MGRN1: variants seen among roughly 807,000 people sequenced by gnomAD.
The protein encoded by MGRN1 is E3 ubiquitin-protein ligase MGRN1.
MGRN1 carries 29 observed loss-of-function variants against 69.2 expected under a neutral mutation model. The ratio of observed to expected loss-of-function variants is 0.42; its 90% CI spans 0.31 to 0.57. MGRN1 has a LOEUF of 0.57. Among genes scored for constraint, MGRN1 ranks in the 20% least tolerant of loss-of-function variants. The pLI is 0.15. For missense variants in MGRN1, 998 were observed against 796.2 expected (o/e 1.25, Z -3.05); for synonymous variants, 470 against 344.2 (o/e 1.37, Z -4.04).
chr16:4,642,521 T>C (rs1247964929), intron 1 of MGRN1, among the ~76,000 whole-genome samples: 5 of 150,054 alleles, frequency 3.3e-5, no homozygotes, highest in African/African-American at 1.3e-4. Flanking sequence ...AGATGGGGGT[T>C]TCACCTTGTT....
At chr16:4,645,588 T>C (rs560133254) in intron 1 of MGRN1, among the ~76,000 whole-genome samples, 8 of 151,884 alleles carry the variant, frequency 5.3e-5, no homozygotes, top group South Asian at 2.1e-4. Flanking sequence ...AGTGGAAAGA[T>C]TGGTTGGCAA....
intron 8 of MGRN1, among the ~76,000 whole-genome samples, chr16:4,670,909 G>A (rs1330055649): frequency 6.6e-6 from 1 of 152,232 alleles, no homozygotes; most frequent in African/African-American, 2.4e-5. Context: ...TCAGCGTGAG[G>A]CTTTTTGGTT....
At chr16:4,681,363 C>T (rs1352587955) in intron 12 of MGRN1, 187 bp from the exon 13 acceptor site, 2 of 596,624 alleles carry the variant, frequency 3.4e-6, no homozygotes, top group Non-Finnish European at 5.8e-6. Context: ...GGCATCCAGC[C>T]CCGTGCTGGA....
chr16:4,688,232 A>C, intron 16 of MGRN1: 2 of 985,718 alleles, frequency 2.0e-6, no homozygotes, highest in East Asian at 1.1e-4. Context: ...CCCAAGCCCC[A>C]GGGACGCCAG....
At chr16:4,631,940 G>A (rs1370890737) in intron 1 of MGRN1, among the ~76,000 whole-genome samples, 1 of 147,962 alleles carries the variant, frequency 6.8e-6, no homozygotes, top group East Asian at 2.0e-4. Context: ...CCTATTTAAG[G>A]CAAGTGATAT....
intron 7 of MGRN1, among the ~76,000 whole-genome samples, chr16:4,667,761 T>G (rs569498714): frequency 6.6e-6 from 1 of 152,346 alleles, no homozygotes; most frequent in South Asian, 2.1e-4. Flanking sequence ...CGGGTGTGCT[T>G]GTTCTATTTC....
chr16:4,652,180 A>T (rs1177688223), intron 3 of MGRN1, 129 bp downstream of exon 3: 1 of 815,990 alleles, frequency 1.2e-6, no homozygotes. Context: ...CCCGTGTGGA[A>T]TGAGAGGCTG....
chr16:4,667,280 G>T (rs1195206035), intron 7 of MGRN1, among the ~76,000 whole-genome samples: 1 of 152,202 alleles, frequency 6.6e-6, no homozygotes, highest in Non-Finnish European at 1.5e-5. Flanking sequence ...AGGGTCGGGG[G>T]TTCTGTTAGC....
At chr16:4,630,325 A>C (rs1275736665) in intron 1 of MGRN1, among the ~76,000 whole-genome samples, 2 of 150,112 alleles carry the variant, frequency 1.3e-5, no homozygotes, top group Admixed American at 6.6e-5. Context: ...ACTGCACTCC[A>C]GCCTGAGCGA....
At chr16:4,657,132 A>G (rs1270315210) in intron 4 of MGRN1, 114 bp from the exon 5 acceptor site, 10 of 977,380 alleles carry the variant, frequency 1.0e-5, no homozygotes, top group Non-Finnish European at 1.6e-5. Flanking sequence ...CCCATGAGAG[A>G]GGGTCCCCAA....
At chr16:4,632,143 T>A (rs841178) in intron 1 of MGRN1, among the ~76,000 whole-genome samples, 37,629 of 150,196 alleles carry the variant, frequency 0.25, 5,687 homozygotes, top group African/African-American at 0.42. Flanking sequence ...CAGCCTCCTG[T>A]GTTGCTGGGA....
chr16:4,687,865 C>G, intron 16 of MGRN1: 4 of 985,432 alleles, frequency 4.1e-6, no homozygotes, highest in Non-Finnish European at 4.8e-6. Flanking sequence ...GAACCTCTGT[C>G]TTCTTGAGCC....
At chr16:4,667,856 C>G (rs1375105920) in intron 7 of MGRN1, among the ~76,000 whole-genome samples, 1 of 152,030 alleles carries the variant, frequency 6.6e-6, no homozygotes, top group Non-Finnish European at 1.5e-5. Context: ...TCAGCCGGGC[C>G]TGGGAGAGCA....
intron 1 of MGRN1, among the ~76,000 whole-genome samples, chr16:4,633,095 T>C (rs971244414): frequency 1.3e-5 from 2 of 151,364 alleles, no homozygotes; most frequent in Non-Finnish European, 3.0e-5. Context: ...AAGAATAAAT[T>C]AATAAAATTT....
At chr16:4,688,700 A>G (rs1567250204) in intron 16 of MGRN1, 96 bp from the exon 17 acceptor site, 2 of 1,458,680 alleles carry the variant, frequency 1.4e-6, no homozygotes, top group Non-Finnish European at 1.8e-6. Flanking sequence ...GGGGTGCTGG[A>G]TGGCCCAGCC....
At chr16:4,653,326 C>T (rs1460434202) in intron 4 of MGRN1, among the ~76,000 whole-genome samples, 4 of 152,114 alleles carry the variant, frequency 2.6e-5, no homozygotes, top group Non-Finnish European at 4.4e-5. Context: ...CCACCTTCCT[C>T]GTATTCAGCA....
At chr16:4,674,963 A>G (rs1039587327) in intron 10 of MGRN1, among the ~76,000 whole-genome samples, 1 of 151,370 alleles carries the variant, frequency 6.6e-6, no homozygotes, top group East Asian at 1.9e-4. Flanking sequence ...TTAATTAATT[A>G]CTTACTTTTA....
chr16:4,670,696 T>A (rs897904044), intron 8 of MGRN1, among the ~76,000 whole-genome samples: 11 of 152,162 alleles, frequency 7.2e-5, no homozygotes, highest in Non-Finnish European at 1.5e-5. Context: ...CTATTTAAAA[T>A]GTAAATCACA....
At chr16:4,647,522 C>T (rs954803834) in intron 1 of MGRN1, among the ~76,000 whole-genome samples, 2 of 152,252 alleles carry the variant, frequency 1.3e-5, no homozygotes, top group African/African-American at 4.8e-5. Context: ...GTCTGCTCTG[C>T]ACCAATTTCC....
Sources: gnomAD v4.1 joint callset for allele counts (sites outside exome capture counted in the v4.1 genomes callset) on GRCh38, gnomAD v4.1.1 for gene constraint, MANE v1.5 for transcripts, NCBI Gene and HGNC (gene_info 2026-07-23, HGNC 2026-07-21) for gene names.